The following TLL2 variants were observed in gnomAD, a reference collection of about 807,000 sequenced individuals.
TLL2 encodes tolloid-like protein 2.
TLL2 carries 106 observed loss-of-function variants against 123.0 expected under a neutral mutation model. The ratio of observed to expected loss-of-function variants is 0.86; its 90% CI spans 0.74 to 1.01. The LOEUF (loss-of-function observed/expected upper bound fraction) is 1.01. Ranked by LOEUF, TLL2 falls within the 50% of genes least tolerant of loss-of-function variation. The probability of loss-of-function intolerance (pLI) is 0.00; values close to 1 mark genes in which losing one functional copy is unlikely to be tolerated. For synonymous variants in TLL2, 494 were observed against 516.8 expected, an observed-to-expected ratio of 0.96 and a Z score of 0.60; for missense variants, 1,332 against 1,336.7, an observed-to-expected ratio of 1.00 and a Z score of 0.06.
At chr10:96,409,232 C>T (rs1427146586) in intron 9 of TLL2, among the ~76,000 whole-genome samples, 1 of 152,230 alleles carries the variant, frequency 6.6e-6, no homozygotes, top group Non-Finnish European at 1.5e-5. Flanking sequence ...TTCTGTGCCA[C>T]AGACTGTGTG....
rs573450462 is a variant in TLL2 at position 96,395,963 on chromosome 10, G to A, written c.1442C>T (p.Pro481Leu). The change falls in exon 12 of 21, where the codon CCG becomes CTG. Residue 481 changes from proline to leucine, a missense_variant. Coordinates refer to ENST00000357947, the MANE Select transcript of TLL2 (RefSeq NM_012465.4). Reference sequence around the variant, plus strand: ...TTCCTTGGAAGGTCTGTAGTCATCCGGATAGTTGGGAGATTGAATCTGACC... The same window carrying A: ...TTCCTTGGAAGGTCTGTAGTCATCCAGATAGTTGGGAGATTGAATCTGACC... Reference protein sequence around the residue: ...DAGQIQSPNYPDDYRPSKECV... With the variant: ...DAGQIQSPNYLDDYRPSKECV... The A allele has an allele frequency of 3.7e-6, 6 of 1,614,158 alleles. 1 individual carries two copies. The highest frequency in any genetic ancestry group is 3.3e-5 in the South Asian group (3 of 91,072).
At chr10:96,479,283 C>G (rs190334897) in intron 2 of TLL2, among the ~76,000 whole-genome samples, 6 of 152,208 alleles carry the variant, frequency 3.9e-5, no homozygotes, top group African/African-American at 1.4e-4. Flanking sequence ...ATGAGGTCCC[C>G]GTGACCTCCT....
intron 10 of TLL2, among the ~76,000 whole-genome samples, chr10:96,397,546 C>A (rs898055606): frequency 6.6e-6 from 1 of 152,126 alleles, no homozygotes; most frequent in Non-Finnish European, 1.5e-5. Context: ...ATCAAAGTAT[C>A]CAGAGAAGAG....
intron 10 of TLL2, among the ~76,000 whole-genome samples, chr10:96,401,771 G>A (rs527791224): frequency 6.6e-6 from 1 of 152,248 alleles, no homozygotes; most frequent in African/African-American, 2.4e-5. Context: ...GCCCTCTCTG[G>A]GGAACTTCAG....
intron 6 of TLL2, 77 bp downstream of exon 6, chr10:96,422,472 C>T: frequency 6.4e-7 from 1 of 1,551,150 alleles, no homozygotes; most frequent in Non-Finnish European, 8.8e-7. Flanking sequence ...AGCAAGTCCC[C>T]TCCTTCCCTC....
At chr10:96,418,297 C>A (rs558584277) in intron 7 of TLL2, among the ~76,000 whole-genome samples, 8 of 152,344 alleles carry the variant, frequency 5.3e-5, no homozygotes, top group African/African-American at 1.9e-4. Flanking sequence ...GCATCCTGTC[C>A]TGGCCTCTGG....
intron 3 of TLL2, among the ~76,000 whole-genome samples, chr10:96,438,522 T>A (rs1846819894): frequency 6.6e-6 from 1 of 152,246 alleles, no homozygotes; most frequent in Admixed American, 6.5e-5. Context: ...ATTGATTGGT[T>A]CTAGGAGGTT....
chr10:96,417,245 G>A (rs1326060938), intron 7 of TLL2, among the ~76,000 whole-genome samples: 7 of 152,090 alleles, frequency 4.6e-5, no homozygotes, highest in Non-Finnish European at 1.0e-4. Context: ...AGTTGGGAGC[G>A]GGGAAACTAT....
intron 10 of TLL2, among the ~76,000 whole-genome samples, chr10:96,402,032 G>A (rs1846402359): frequency 6.6e-6 from 1 of 152,202 alleles, no homozygotes. Flanking sequence ...GTCCACACTT[G>A]GGGAGCTTGG....
intron 17 of TLL2, among the ~76,000 whole-genome samples, chr10:96,377,593 C>A (rs1846149610): frequency 6.6e-6 from 1 of 152,324 alleles, no homozygotes; most frequent in African/African-American, 2.4e-5. Flanking sequence ...GGGACTCGAA[C>A]TTGGCCTGCC....
chr10:96,461,978 C>T (rs1847085497), intron 2 of TLL2, among the ~76,000 whole-genome samples: 1 of 152,256 alleles, frequency 6.6e-6, no homozygotes, highest in African/African-American at 2.4e-5. Context: ...CTCTGCATCT[C>T]CACCCACACG....
chr10:96,366,198 C>T lies in TLL2; in HGVS notation c.*1890G>A, dbSNP rs1039274717. ...CCCTAACAGGCAGGTGGGATTGGAG[C>T]CATGAGGTCAGCTGCTCCATTTGCT... is the stretch of plus-strand genomic sequence containing the variant. On this transcript the variant is annotated 3_prime_UTR_variant, in exon 21 of 21. Transcript: ENST00000357947. 6.6e-6 allele frequency: 1 copy of T among 152,532 alleles called. No individual in the cohort carries two copies. Among genetic ancestry groups the T allele is most frequent in the African/African-American group, 2.4e-5 (1 of 41,448 alleles). The allele number at this position is 152,532 out of a possible 1,614,324, so 9.4% of individuals were successfully genotyped here.
At chr10:96,391,861 C>T (rs556152175) in intron 13 of TLL2, among the ~76,000 whole-genome samples, 1 of 152,336 alleles carries the variant, frequency 6.6e-6, no homozygotes, top group African/African-American at 2.4e-5. Flanking sequence ...TGGGTCTGTG[C>T]ACTAAGTTAC....
chr10:96,459,504 C>A (rs1265910318), intron 2 of TLL2, among the ~76,000 whole-genome samples: 1 of 150,340 alleles, frequency 6.7e-6, no homozygotes, highest in East Asian at 2.0e-4. Flanking sequence ...CATGGTGAAA[C>A]CCCGTCTCCA....
At chr10:96,384,541 G>T in intron 16 of TLL2, 46 bp downstream of exon 16, 9 of 1,488,636 alleles carry the variant, frequency 6.0e-6, no homozygotes, top group Non-Finnish European at 7.2e-6. Flanking sequence ...AGTCTGCAAA[G>T]CCGCCTCACT....
intron 1 of TLL2, among the ~76,000 whole-genome samples, chr10:96,506,038 A>T (rs748534324): frequency 1.3e-4 from 19 of 151,714 alleles, no homozygotes; most frequent in Non-Finnish European, 2.1e-4. Flanking sequence ...TGGATCATGA[A>T]GTCAGGAGTT....
In TLL2 at chr10:96,490,532, G is replaced by A. The variant is rs142150781; in HGVS notation, c.176-10073C>T. On this transcript the variant is annotated intron_variant, in intron 1 of 20. Transcript: ENST00000357947. Reference sequence around the variant, plus strand: ...AGTAGGGAACTAAGCAATGAATGACGTTGAAGCAAATGGGTTAGCTATTTG... The same window carrying A: ...AGTAGGGAACTAAGCAATGAATGACATTGAAGCAAATGGGTTAGCTATTTG... Among the ~76,000 whole-genome samples, 734 of 152,308 alleles carry A rather than the reference G, an allele frequency of 4.8e-3. 6 individuals are homozygous for A. The highest frequency in any genetic ancestry group is 0.017 in the African/African-American group (696 of 41,554).
chr10:96,460,515 GGT>G (rs1340628676), intron 2 of TLL2, among the ~76,000 whole-genome samples: 1 of 152,092 alleles, frequency 6.6e-6, no homozygotes, highest in East Asian at 1.9e-4. Context: ...GGCCTGGTGG[GGT>G]GTGATTGGAT....
chr10:96,435,306 C>T (rs983033070), intron 3 of TLL2, among the ~76,000 whole-genome samples: 33 of 152,306 alleles, frequency 2.2e-4, no homozygotes, highest in African/African-American at 7.9e-4. Flanking sequence ...GCTGGGATTA[C>T]AGGCATGAGG....
Sources: gnomAD v4.1 joint callset for allele counts (sites outside exome capture counted in the v4.1 genomes callset) on GRCh38, gnomAD v4.1.1 for gene constraint, MANE v1.5 for transcripts, NCBI Gene and HGNC (gene_info 2026-07-23, HGNC 2026-07-21) for gene names.